COL6A6: variants seen among roughly 807,000 people sequenced by gnomAD.
COL6A6 encodes the protein collagen alpha-6(VI) chain.
In COL6A6, 183 loss-of-function variants were observed where a neutral mutation model predicts 208.6. The observed-to-expected ratio is 0.88, with a 90% confidence interval of 0.78 to 0.99. The LOEUF (loss-of-function observed/expected upper bound fraction) is 0.99. COL6A6 is among the 50% of genes least tolerant of loss of function. The pLI is 0.00. For missense variants in COL6A6, 2,816 were observed against 2,815.2 expected (o/e 1.00, Z -0.01); for synonymous variants, 973 against 1,011.8 (o/e 0.96, Z 0.73).
At chr3:130,527,638 T>G (rs1253088160) in intron 1 of COL6A6, among the ~76,000 whole-genome samples, 1 of 152,258 alleles carries the variant, frequency 6.6e-6, no homozygotes, top group Admixed American at 6.5e-5. Context: ...ATTAAATTGC[T>G]GATACATATA....
intron 7 of COL6A6, 67 bp downstream of exon 7, chr3:130,571,460 A>G (rs2063165961): frequency 8.4e-7 from 1 of 1,195,918 alleles, no homozygotes; most frequent in Non-Finnish European, 1.2e-6. Flanking sequence ...AAAGCAAAGC[A>G]ATGGCTCTCA....
At chr3:130,597,954 A>G (rs1234723326) in intron 18 of COL6A6, among the ~76,000 whole-genome samples, 1 of 152,194 alleles carries the variant, frequency 6.6e-6, no homozygotes, top group Non-Finnish European at 1.5e-5. Flanking sequence ...TCCCAAGGGT[A>G]TGGTAGAATA....
intron 36 of COL6A6, among the ~76,000 whole-genome samples, chr3:130,671,260 C>T (rs971072689): frequency 6.6e-6 from 1 of 152,104 alleles, no homozygotes; most frequent in African/African-American, 2.4e-5. Context: ...ATGTGGGAGC[C>T]AACCTATGCA....
At chr3:130,617,950 C>A (rs1405212107) in intron 23 of COL6A6, among the ~76,000 whole-genome samples, 1 of 152,178 alleles carries the variant, frequency 6.6e-6, no homozygotes, top group Admixed American at 6.5e-5. Context: ...AACCTCTAAA[C>A]ACTTCTTTCC....
chr3:130,551,669 C>A (rs1417328864), intron 1 of COL6A6, among the ~76,000 whole-genome samples: 1 of 131,578 alleles, frequency 7.6e-6, no homozygotes, highest in Non-Finnish European at 1.6e-5. Context: ...TTCTTCATTT[C>A]AGCTCTGATT....
chr3:130,667,991 C>G (rs2066117617), intron 36 of COL6A6, among the ~76,000 whole-genome samples: 1 of 149,700 alleles, frequency 6.7e-6, no homozygotes, highest in African/African-American at 2.5e-5. Context: ...AAAAAAACAA[C>G]AATGTAATAA....
At chr3:130,627,410 T>A (rs1451893710) in intron 26 of COL6A6, 41 bp downstream of exon 26, 1 of 1,594,180 alleles carries the variant, frequency 6.3e-7, no homozygotes, top group Non-Finnish European at 8.6e-7. Flanking sequence ...TTCCATTTAT[T>A]TTTTGTTGCT....
Position 130,563,330 on chromosome 3 carries a change from G to T in COL6A6, c.327G>T (p.Lys109Asn), listed in dbSNP as rs961891229. Reference sequence around the variant, plus strand: ...TTGGCGGGTCCCTGCAGATAGGAAAGGCTCTTCAGGAGGCTCACAGGACTT... The same window carrying T: ...TTGGCGGGTCCCTGCAGATAGGAAATGCTCTTCAGGAGGCTCACAGGACTT... The part of the protein sequence containing the change: ...GFIGGSLQIG[K>N]ALQEAHRTYF... The change falls in exon 3 of 37, where the codon AAG becomes AAT. Residue 109 changes from lysine (K) to asparagine (N), a missense_variant. By Grantham distance (94) the Lys-to-Asn change is moderately conservative (BLOSUM62 0). Transcript: ENST00000358511. The T allele has an allele frequency of 2.5e-6, 4 of 1,613,854 alleles. No homozygotes were observed. The highest frequency in any genetic ancestry group is 2.5e-6 in the Non-Finnish European group (3 of 1,179,872).
chr3:130,672,477 A>C (rs1391825504), intron 36 of COL6A6, among the ~76,000 whole-genome samples: 4 of 151,006 alleles, frequency 2.6e-5, no homozygotes, highest in African/African-American at 9.7e-5. Flanking sequence ...ATCTCAGCTC[A>C]CTGCAACCTC....
chr3:130,593,329 C>A, intron 17 of COL6A6, 77 bp downstream of exon 17: 1 of 1,104,174 alleles, frequency 9.1e-7, no homozygotes, highest in Non-Finnish European at 1.4e-6. Context: ...AATACTCAGT[C>A]AGCTATTGCT....
At chr3:130,582,132 T>C in intron 10 of COL6A6, 64 bp downstream of exon 10, 1 of 1,047,694 alleles carries the variant, frequency 9.5e-7, no homozygotes, top group African/African-American at 1.6e-5. Flanking sequence ...AACTAAATTC[T>C]GGCTCTTAAA....
chr3:130,639,689 CAAAAAA>C (rs57615059), intron 28 of COL6A6, among the ~76,000 whole-genome samples: 2 of 94,664 alleles, frequency 2.1e-5, no homozygotes, highest in Admixed American at 1.0e-4. Context: ...GATCCTGTCT[CAAAAAA>C]AAAAAAAAAA....
At chr3:130,621,554 G>A (rs369409884) in intron 23 of COL6A6, among the ~76,000 whole-genome samples, 12 of 152,290 alleles carry the variant, frequency 7.9e-5, no homozygotes, top group African/African-American at 2.2e-4. Context: ...TCTGTTCTTA[G>A]AGCAAAACAA....
At chr3:130,671,306 C>T (rs2066209113) in intron 36 of COL6A6, among the ~76,000 whole-genome samples, 2 of 152,258 alleles carry the variant, frequency 1.3e-5, no homozygotes, top group African/African-American at 4.8e-5. Flanking sequence ...TCCTACCATG[C>T]TTTATGTTTG....
At chr3:130,647,921 A>G (rs1055998001) in intron 32 of COL6A6, among the ~76,000 whole-genome samples, 1 of 152,244 alleles carries the variant, frequency 6.6e-6, no homozygotes, top group Non-Finnish European at 1.5e-5. Context: ...TACCTGTTGC[A>G]AAGAACTGCT....
chr3:130,643,091 C>A, intron 31 of COL6A6, 68 bp downstream of exon 31: 1 of 1,514,546 alleles, frequency 6.6e-7, no homozygotes, highest in Non-Finnish European at 9.1e-7. Flanking sequence ...GAGAAACCTA[C>A]ACTCAGAATT....
chr3:130,600,974 T>C (rs2063998666), intron 20 of COL6A6, among the ~76,000 whole-genome samples: 1 of 152,044 alleles, frequency 6.6e-6, no homozygotes, highest in African/African-American at 2.4e-5. Flanking sequence ...TTGTTGGGGG[T>C]GCAGTTTTGG....
intron 36 of COL6A6, among the ~76,000 whole-genome samples, chr3:130,665,857 TTAAA>T (rs1183310518): frequency 2.6e-5 from 4 of 152,158 alleles, no homozygotes; most frequent in Non-Finnish European, 4.4e-5. Flanking sequence ...AACAGGCTGT[TTAAA>T]TAGTCTCACA....
At chr3:130,638,130 T>C (rs2065208654) in intron 28 of COL6A6, among the ~76,000 whole-genome samples, 1 of 151,924 alleles carries the variant, frequency 6.6e-6, no homozygotes, top group African/African-American at 2.4e-5. Flanking sequence ...ACAAAGTTTG[T>C]TATATTAAAA....
Sources: allele counts gnomAD v4.1 joint callset (sites outside exome capture counted in the v4.1 genomes callset), GRCh38; gene constraint gnomAD v4.1.1; transcripts MANE v1.5; gene names NCBI Gene and HGNC (gene_info 2026-07-23, HGNC 2026-07-21).